The following POTEE variants were observed in gnomAD, a reference collection of about 807,000 sequenced individuals.
POTEE encodes the protein ANKRD26-like family C member 1A.
POTEE carries 21 observed loss-of-function variants against 74.2 expected under a neutral mutation model. That is an observed-to-expected ratio of 0.28 (90% CI 0.20 to 0.41). The LOEUF is 0.41. Among genes scored for constraint, POTEE ranks in the 10% least tolerant of loss-of-function variants. The pLI, the probability that POTEE is intolerant of heterozygous loss-of-function variation, is 1.00. For synonymous variants in POTEE, 211 were observed against 432.8 expected, an observed-to-expected ratio of 0.49 and a Z score of 6.36; for missense variants, 525 against 1,158.6, an observed-to-expected ratio of 0.45 and a Z score of 7.94.
chr2:131,211,995 C>G (rs545135168), intron 2 of POTEE, among the ~76,000 whole-genome samples: 1 of 151,998 alleles, frequency 6.6e-6, no homozygotes, highest in Non-Finnish European at 1.5e-5. Context: ...GTATTCTTCT[C>G]ATCTTCTTGT....
Position 131,218,194 on chromosome 2 carries a change from G to C in POTEE, c.-93-116G>C, listed in dbSNP as rs1364534760. On this transcript the variant is annotated intron_variant, in intron 3 of 17. Transcript: ENST00000683005. ...GGGGTGGGCGTGGGGTCGCCCAGGG[G>C]GGGCGTGGGCTTTCCTCGGGTGGGT... 1.3e-5 allele frequency: 12 copies of C among 941,998 alleles called. No individual in the cohort carries two copies. In the East Asian group the frequency reaches 1.6e-4, roughly 13 times the overall value. 58.4% of individuals were successfully genotyped at this position (941,998 alleles called of 1,614,324 possible).
chr2:131,231,320 G>T (rs1700948838), intron 9 of POTEE, among the ~76,000 whole-genome samples: 1 of 151,086 alleles, frequency 6.6e-6, no homozygotes, highest in African/African-American at 2.4e-5. Flanking sequence ...CAGAGTACAG[G>T]CGGTAATATG....
At chr2:131,226,088 C>A (rs1266711462) in intron 6 of POTEE, among the ~76,000 whole-genome samples, 1 of 152,114 alleles carries the variant, frequency 6.6e-6, no homozygotes, top group African/African-American at 2.4e-5. Context: ...GTAGCAAATT[C>A]TAAACCACTT....
chr2:131,211,216 G>C (rs1700348305), intron 2 of POTEE, among the ~76,000 whole-genome samples, 33 bp downstream of exon 2: 1 of 151,986 alleles, frequency 6.6e-6, no homozygotes, highest in African/African-American at 2.4e-5. Context: ...AAGGTGGTAG[G>C]AACCTTGTAG....
chr2:131,234,041 A>G (rs1300960835), intron 9 of POTEE, among the ~76,000 whole-genome samples: 1 of 151,068 alleles, frequency 6.6e-6, no homozygotes, highest in Non-Finnish European at 1.5e-5. Context: ...TACTAGTTTG[A>G]CTCTCACTAA....
intron 16 of POTEE, among the ~76,000 whole-genome samples, chr2:131,258,539 T>C (rs868328096): frequency 4.2e-4 from 64 of 151,808 alleles, no homozygotes; most frequent in African/African-American, 1.4e-3. Context: ...TGTTCACTTT[T>C]TTCTCTGTAC....
chr2:131,224,280 G>T (rs1449324572), intron 6 of POTEE, among the ~76,000 whole-genome samples: 1 of 149,388 alleles, frequency 6.7e-6, no homozygotes, highest in Non-Finnish European at 1.5e-5. Context: ...TGAAAACACT[G>T]AATTTGTAAA....
intron 4 of POTEE, among the ~76,000 whole-genome samples, chr2:131,219,767 C>T (rs1450986863): frequency 7.3e-5 from 11 of 151,352 alleles, no homozygotes; most frequent in African/African-American, 2.7e-4. Context: ...GGAGCTTTTT[C>T]TATTTATCAC....
rs549121334 is a variant in POTEE at position 131,213,023 on chromosome 2, C to T, written c.-189+1840C>T. ...TCCCCCAGGCTGTAGTACGATGGCC[C>T]GATCTTGGCTCACTGCAACCCCTGC... On this transcript the variant is annotated intron_variant, in intron 2 of 17. Coordinates refer to ENST00000683005, the MANE Select transcript of POTEE (RefSeq NM_001083538.3). Among the ~76,000 whole-genome samples the T allele has an allele frequency of 1.7e-4, 25 of 150,986 alleles. 1 individual carries two copies. The South Asian group carries it at 5.0e-3, about 30-fold the overall frequency.
At chr2:131,236,244 T>C (rs561090741) in intron 9 of POTEE, among the ~76,000 whole-genome samples, 1 of 152,084 alleles carries the variant, frequency 6.6e-6, no homozygotes, top group Admixed American at 6.5e-5. Flanking sequence ...AAGGATTTTG[T>C]TTTCTTAACC....
At chr2:131,263,045 T>C (rs1319385294) in intron 17 of POTEE, among the ~76,000 whole-genome samples, 1 of 151,794 alleles carries the variant, frequency 6.6e-6, no homozygotes, top group Non-Finnish European at 1.5e-5. Context: ...AAAGGCTTTT[T>C]TAATTCTGGG....
At chr2:131,224,717 G>GAGTT (rs1327298923) in intron 6 of POTEE, among the ~76,000 whole-genome samples, 1 of 151,186 alleles carries the variant, frequency 6.6e-6, no homozygotes, top group Non-Finnish European at 1.5e-5. Flanking sequence ...TTGGGAGAGG[G>GAGTT]AGTTAGTGGG....
At chr2:131,256,914 G>T (rs549097704) in intron 16 of POTEE, among the ~76,000 whole-genome samples, 3 of 152,430 alleles carry the variant, frequency 2.0e-5, no homozygotes, top group Non-Finnish European at 4.4e-5. Context: ...GCTCTCTAAC[G>T]TAATTGAGGG....
rs544776320 is a variant in POTEE at position 131,231,702 on chromosome 2, C to T, written c.1126+796C>T. On this transcript the variant is annotated intron_variant, in intron 9 of 17. Transcript: ENST00000683005. ...AGTAATTTTGTTAGAACAAGATGCT[C>T]TGCTACCATTTGCCAAAAGATTGTC... 6.3e-3 allele frequency among the ~76,000 whole-genome samples: 959 copies of T among 152,086 alleles called. 10 individuals are homozygous for T. Among genetic ancestry groups the T allele is most frequent in the African/African-American group, 0.021 (877 of 41,470 alleles).
chr2:131,230,175 G>C (rs952192417), intron 8 of POTEE, among the ~76,000 whole-genome samples: 1 of 152,090 alleles, frequency 6.6e-6, no homozygotes, highest in Non-Finnish European at 1.5e-5. Flanking sequence ...AGATATTTAT[G>C]AATAAATTTA....
At position 131,209,583 on chromosome 2, in the gene POTEE, C is replaced by T. The variant is rs1700311752; in HGVS notation, c.-581C>T. 6.6e-6 allele frequency among the ~76,000 whole-genome samples: 1 copy of T among 152,210 alleles called. No homozygotes were observed. Among genetic ancestry groups the T allele is most frequent in the African/African-American group, 2.4e-5 (1 of 41,444 alleles). ...CGTTTGGTAACCGGCATGGCTGCTA[C>T]CTGTTTCTGGCTGGAGCCTCGGACA... On this transcript the variant is annotated 5_prime_UTR_variant, in exon 1 of 18. Coordinates refer to ENST00000683005, the MANE Select transcript of POTEE (RefSeq NM_001083538.3).
chr2:131,220,449 C>G (rs973682429), intron 4 of POTEE, among the ~76,000 whole-genome samples: 1 of 151,976 alleles, frequency 6.6e-6, no homozygotes, highest in African/African-American at 2.4e-5. Flanking sequence ...CGTGATCCAC[C>G]CACCTTGGCT....
intron 4 of POTEE, among the ~76,000 whole-genome samples, chr2:131,220,960 CAAAAAAAAAAA>C (rs368618556): frequency 8.6e-6 from 1 of 116,954 alleles, no homozygotes; most frequent in African/African-American, 3.7e-5. Context: ...GACTCCATCT[CAAAAAAAAAAA>C]AAGAAAAAAA....
chr2:131,245,218 AC>A (rs1301062773), intron 12 of POTEE, among the ~76,000 whole-genome samples, 188 bp from the exon 13 acceptor site: 1 of 147,594 alleles, frequency 6.8e-6, no homozygotes, highest in East Asian at 2.0e-4. Flanking sequence ...ATTTCATCTT[AC>A]TTTTTTTTCT....
Sources: gnomAD v4.1 joint callset for allele counts (sites outside exome capture counted in the v4.1 genomes callset) on GRCh38, gnomAD v4.1.1 for gene constraint, MANE v1.5 for transcripts, NCBI Gene and HGNC (gene_info 2026-07-23, HGNC 2026-07-21) for gene names.